Variants in KCNIP4 observed in about 807,000 individuals in gnomAD.
KCNIP4 encodes the protein potassium voltage-gated channel interacting protein 4, also known as Kv channel-interacting protein 4.
In KCNIP4, 12 loss-of-function variants were observed where a neutral mutation model predicts 34.0. That is an observed-to-expected ratio of 0.35 (90% CI 0.23 to 0.57). KCNIP4 has a LOEUF of 0.57. Among genes scored for constraint, KCNIP4 ranks in the 20% least tolerant of loss-of-function variants. The pLI is 0.83. For missense variants in KCNIP4, 238 were observed against 311.7 expected (o/e 0.76, Z 1.78); for synonymous variants, 124 against 102.2 (o/e 1.21, Z -1.29).
At chr4:21,011,050 T>A (rs1003243451) in intron 1 of KCNIP4, among the ~76,000 whole-genome samples, 1 of 152,214 alleles carries the variant, frequency 6.6e-6, no homozygotes, top group Admixed American at 6.5e-5. Flanking sequence ...CAACAATATA[T>A]GCATAGTAGC....
intron 1 of KCNIP4, among the ~76,000 whole-genome samples, chr4:21,504,504 A>AAGGAAGG (rs1560467080): frequency 1.5e-5 from 2 of 133,578 alleles, no homozygotes. Flanking sequence ...AGAAAGAAAG[A>AAGGAAGG]AAGGAAGGAA....
chr4:21,440,362 T>C (rs1324506727), intron 1 of KCNIP4, among the ~76,000 whole-genome samples: 1 of 152,200 alleles, frequency 6.6e-6, no homozygotes, highest in Non-Finnish European at 1.5e-5. Context: ...GCAGAAACCA[T>C]TTCAGGAAGT....
intron 1 of KCNIP4, among the ~76,000 whole-genome samples, chr4:20,964,864 G>A (rs576750634): frequency 1.3e-5 from 2 of 152,254 alleles, no homozygotes; most frequent in South Asian, 4.1e-4. Flanking sequence ...TACAGAGTAA[G>A]ATTTCTTTAT....
chr4:21,780,755 G>A (rs770423002), intron 1 of KCNIP4, among the ~76,000 whole-genome samples: 3 of 152,172 alleles, frequency 2.0e-5, no homozygotes, highest in Admixed American at 6.5e-5. Flanking sequence ...CCACACACCT[G>A]TGGATTAAAA....
intron 1 of KCNIP4, among the ~76,000 whole-genome samples, chr4:20,923,596 G>T (rs1292016437): frequency 1.3e-5 from 2 of 152,128 alleles, no homozygotes; most frequent in Admixed American, 6.5e-5. Context: ...TGAAGCAAAA[G>T]ATTATATACT....
chr4:21,823,260 A>T (rs1444247245), intron 1 of KCNIP4, among the ~76,000 whole-genome samples: 1 of 152,102 alleles, frequency 6.6e-6, no homozygotes, highest in African/African-American at 2.4e-5. Context: ...ATTATCAATT[A>T]AACAGTACTT....
chr4:21,130,446 C>CTA (rs1322562768), intron 1 of KCNIP4, among the ~76,000 whole-genome samples: 1 of 152,264 alleles, frequency 6.6e-6, no homozygotes, highest in East Asian at 1.9e-4. Flanking sequence ...TTCCAAGAAA[C>CTA]GTCATCATTG....
chr4:21,789,627 G>C (rs1188612472), intron 1 of KCNIP4, among the ~76,000 whole-genome samples: 1 of 152,196 alleles, frequency 6.6e-6, no homozygotes, highest in Non-Finnish European at 1.5e-5. Context: ...TGAAGAACAG[G>C]ATGTGTCTTT....
At chr4:21,064,627 G>T (rs551597339) in intron 1 of KCNIP4, among the ~76,000 whole-genome samples, 1 of 152,154 alleles carries the variant, frequency 6.6e-6, no homozygotes, top group Admixed American at 6.6e-5. Context: ...GAAAATTCAT[G>T]GAAAGAACTT....
chr4:21,352,059 A>G (rs1329750689), intron 1 of KCNIP4, among the ~76,000 whole-genome samples: 1 of 152,054 alleles, frequency 6.6e-6, no homozygotes, highest in Admixed American at 6.6e-5. Context: ...TTGAAGCATG[A>G]CCCTACGAAT....
intron 3 of KCNIP4, among the ~76,000 whole-genome samples, chr4:20,827,091 T>C (rs1386214317): frequency 1.3e-5 from 2 of 152,238 alleles, no homozygotes; most frequent in African/African-American, 4.8e-5. Context: ...AATAATGTTA[T>C]GCCAGTTCCA....
intron 1 of KCNIP4, among the ~76,000 whole-genome samples, chr4:21,877,774 C>A (rs957535285): frequency 2.0e-5 from 3 of 152,180 alleles, no homozygotes; most frequent in Non-Finnish European, 2.9e-5. Context: ...TCTAGTCCTG[C>A]TTCTGTTTCT....
chr4:20,851,048 A>G (rs888906945), intron 2 of KCNIP4, among the ~76,000 whole-genome samples: 5 of 152,020 alleles, frequency 3.3e-5, no homozygotes, highest in African/African-American at 4.8e-5. Flanking sequence ...TTTTTCCCCA[A>G]CGTTTAAGTT....
chr4:21,747,906 GAC>G, intron 1 of KCNIP4, among the ~76,000 whole-genome samples: 1 of 152,214 alleles, frequency 6.6e-6, no homozygotes, highest in South Asian at 2.1e-4. Context: ...CGCAAAAAAG[GAC>G]ACACAGAGAA....
At chr4:21,031,573 G>A (rs1353820347) in intron 1 of KCNIP4, among the ~76,000 whole-genome samples, 2 of 152,168 alleles carry the variant, frequency 1.3e-5, no homozygotes, top group African/African-American at 4.8e-5. Flanking sequence ...TGATCTAAGG[G>A]ATATAGAGGT....
intron 1 of KCNIP4, among the ~76,000 whole-genome samples, chr4:21,240,287 A>G (rs1183686751): frequency 6.6e-6 from 1 of 150,660 alleles, no homozygotes; most frequent in Non-Finnish European, 1.5e-5. Flanking sequence ...TGACGAGTCA[A>G]TGGGTGCAGC....
At chr4:20,844,699 G>A (rs1356837770) in intron 3 of KCNIP4, among the ~76,000 whole-genome samples, 1 of 152,114 alleles carries the variant, frequency 6.6e-6, no homozygotes, top group Non-Finnish European at 1.5e-5. Context: ...TAAATCGGAC[G>A]TAGTGCTTTT....
intron 1 of KCNIP4, among the ~76,000 whole-genome samples, chr4:21,175,592 A>C (rs1300561406): frequency 6.6e-6 from 1 of 152,130 alleles, no homozygotes; most frequent in African/African-American, 2.4e-5. Context: ...TGCCAGTATC[A>C]CTACTCTTGT....
At chr4:21,313,311 C>T (rs1030483682) in intron 1 of KCNIP4, among the ~76,000 whole-genome samples, 2 of 152,152 alleles carry the variant, frequency 1.3e-5, no homozygotes. Flanking sequence ...TTCCTCATTA[C>T]AGCTGACATG....
Sources: allele counts gnomAD v4.1 joint callset (sites outside exome capture counted in the v4.1 genomes callset), GRCh38; gene constraint gnomAD v4.1.1; transcripts MANE v1.5; gene names NCBI Gene and HGNC (gene_info 2026-07-23, HGNC 2026-07-21).